Variants in GMDS observed in about 807,000 individuals in gnomAD.
The protein encoded by GMDS is GDP-mannose 4,6 dehydratase.
GMDS carries 20 observed loss-of-function variants against 49.9 expected under a neutral mutation model. That is an observed-to-expected ratio of 0.40 (90% confidence interval 0.28 to 0.58). GMDS has a LOEUF of 0.58. Ranked by LOEUF, GMDS falls within the 20% of genes least tolerant of loss-of-function variation. The pLI is 0.42. For missense variants in GMDS, 362 were observed against 481.4 expected, an observed-to-expected ratio of 0.75 and a Z score of 2.32; for synonymous variants, 177 against 178.6, an observed-to-expected ratio of 0.99 and a Z score of 0.07.
chr6:1,787,807 T>A (rs1769381745), intron 7 of GMDS, among the ~76,000 whole-genome samples: 1 of 152,220 alleles, frequency 6.6e-6, no homozygotes. Context: ...ATATTTTTTG[T>A]GGGACACACA....
intron 9 of GMDS, among the ~76,000 whole-genome samples, chr6:1,725,435 A>AT (rs1027776100): frequency 7.0e-4 from 103 of 147,066 alleles, no homozygotes; most frequent in Middle Eastern, 3.5e-3. Context: ...CTAGTGTAAG[A>AT]TTTTTTTTTT....
chr6:1,742,436 G>T (rs1249852161), intron 8 of GMDS, 32 bp downstream of exon 8: 3 of 1,224,096 alleles, frequency 2.5e-6, no homozygotes, highest in African/African-American at 3.0e-5. Flanking sequence ...CTGCCAGAGA[G>T]CTACAAGTAG....
chr6:1,925,332 T>C (rs1228146747), intron 7 of GMDS, among the ~76,000 whole-genome samples: 1 of 152,224 alleles, frequency 6.6e-6, no homozygotes, highest in Non-Finnish European at 1.5e-5. Context: ...CATCTTGATC[T>C]AGGAAGCAAG....
chr6:2,045,472 G>T (rs1165518181), intron 4 of GMDS, among the ~76,000 whole-genome samples: 1 of 150,914 alleles, frequency 6.6e-6, no homozygotes, highest in Non-Finnish European at 1.5e-5. Flanking sequence ...ATTTCAACAT[G>T]ATTTATAATT....
chr6:2,016,903 G>A (rs1259553427), intron 4 of GMDS, among the ~76,000 whole-genome samples: 1 of 152,028 alleles, frequency 6.6e-6, no homozygotes, highest in Non-Finnish European at 1.5e-5. Flanking sequence ...AGTCAGCAAA[G>A]GCAGTGCTGG....
At position 2,115,796 on chromosome 6, in the gene GMDS, T is replaced by C. The variant is rs746168548; in HGVS notation, c.320A>G (p.Asn107Ser). ...INEVKPTEIY[N>S]LGAQSHVKIS... ...TTTGACGTGGCTCTGGGCTCCAAGG[T>C]TGTAGATCTCTGTGGGCTTTACTTC... Residue 107 changes from asparagine to serine, a missense_variant, in exon 4 of 11, where the codon AAC becomes AGC. By Grantham distance (46) the Asn-to-Ser change is conservative. Transcript: ENST00000380815. 6.3e-7 allele frequency: 1 copy of C among 1,586,758 alleles called. No individual in the cohort carries two copies. The highest frequency in any genetic ancestry group is 1.1e-5 in the South Asian group (1 of 89,408).
intron 7 of GMDS, among the ~76,000 whole-genome samples, chr6:1,884,835 CT>C (rs1229372149): frequency 6.6e-6 from 1 of 152,188 alleles, no homozygotes; most frequent in African/African-American, 2.4e-5. Context: ...GACCTCATAG[CT>C]GATCACTTCT....
chr6:2,021,675 G>T (rs559684786), intron 4 of GMDS, among the ~76,000 whole-genome samples: 1 of 152,148 alleles, frequency 6.6e-6, no homozygotes, highest in Non-Finnish European at 1.5e-5. Context: ...GCAGCATCTT[G>T]GACAGGTAAA....
At chr6:1,757,998 C>A (rs1174267927) in intron 7 of GMDS, among the ~76,000 whole-genome samples, 2 of 152,188 alleles carry the variant, frequency 1.3e-5, no homozygotes, top group African/African-American at 4.8e-5. Flanking sequence ...TGTCTTTTGT[C>A]CTCACAGGAC....
chr6:1,976,600 T>C (rs755874888), intron 4 of GMDS, among the ~76,000 whole-genome samples: 1 of 152,130 alleles, frequency 6.6e-6, no homozygotes, highest in Non-Finnish European at 1.5e-5. Flanking sequence ...ATAACAATGA[T>C]GTAACAAACC....
chr6:1,813,738 C>T (rs1220570156), intron 7 of GMDS, among the ~76,000 whole-genome samples: 1 of 152,136 alleles, frequency 6.6e-6, no homozygotes, highest in Non-Finnish European at 1.5e-5. Flanking sequence ...AAAGCCTTTA[C>T]TGATTTGTGC....
intron 4 of GMDS, among the ~76,000 whole-genome samples, chr6:1,972,550 A>C (rs1468663477): frequency 6.6e-6 from 1 of 152,268 alleles, no homozygotes; most frequent in African/African-American, 2.4e-5. Flanking sequence ...AAGGATTCAC[A>C]GGGTCCATGG....
At chr6:2,220,898 C>A (rs1007386420) in intron 1 of GMDS, among the ~76,000 whole-genome samples, 1 of 152,144 alleles carries the variant, frequency 6.6e-6, no homozygotes, top group Non-Finnish European at 1.5e-5. Flanking sequence ...TGTACAAGCT[C>A]AGGCACAGTG....
chr6:1,939,372 T>C (rs1237333336), intron 6 of GMDS, among the ~76,000 whole-genome samples: 1 of 151,756 alleles, frequency 6.6e-6, no homozygotes, highest in Non-Finnish European at 1.5e-5. Flanking sequence ...GGCCAGGAGA[T>C]ACTAACACCT....
intron 2 of GMDS, among the ~76,000 whole-genome samples, chr6:2,123,609 C>G (rs773009983): frequency 6.6e-6 from 1 of 152,244 alleles, no homozygotes; most frequent in Non-Finnish European, 1.5e-5. Context: ...AAAACCAACA[C>G]TTTGTACTAT....
chr6:1,756,630 G>A (rs1428457156), intron 7 of GMDS, among the ~76,000 whole-genome samples: 2 of 152,168 alleles, frequency 1.3e-5, no homozygotes, highest in African/African-American at 2.4e-5. Context: ...GGGCTCAGAG[G>A]ACAGTTCCTC....
chr6:1,866,172 G>T (rs541467244), intron 7 of GMDS, among the ~76,000 whole-genome samples: 2 of 152,316 alleles, frequency 1.3e-5, no homozygotes, highest in East Asian at 1.9e-4. Context: ...CTGCATTTTT[G>T]AGAGTGCAGT....
chr6:2,136,906 CAAAAA>C (rs3049649), intron 1 of GMDS, among the ~76,000 whole-genome samples: 7 of 127,956 alleles, frequency 5.5e-5, no homozygotes, highest in Non-Finnish European at 6.7e-5. Flanking sequence ...TCATTTCAAA[CAAAAA>C]AAAAAAAAAA....
intron 1 of GMDS, among the ~76,000 whole-genome samples, chr6:2,193,947 T>A (rs1450673434): frequency 6.6e-6 from 1 of 151,866 alleles, no homozygotes; most frequent in East Asian, 1.9e-4. Context: ...ATGGTCTCCA[T>A]CTCCTGACCT....
Sources: gnomAD v4.1 joint callset for allele counts (sites outside exome capture counted in the v4.1 genomes callset) on GRCh38, gnomAD v4.1.1 for gene constraint, MANE v1.5 for transcripts, NCBI Gene and HGNC (gene_info 2026-07-23, HGNC 2026-07-21) for gene names.